The following PDE4D variants were observed in gnomAD, a reference collection of about 807,000 sequenced individuals.
The protein encoded by PDE4D is 3',5'-cyclic-AMP phosphodiesterase 4D.
In PDE4D, 24 loss-of-function variants were observed where a neutral mutation model predicts 87.4. The observed-to-expected ratio is 0.27, with a 90% CI of 0.20 to 0.39. The LOEUF (loss-of-function observed/expected upper bound fraction) is 0.39. Ranked by LOEUF, PDE4D falls within the 10% of genes least tolerant of loss-of-function variation. The pLI is 1.00. For missense variants in PDE4D, 714 were observed against 1,041.0 expected (o/e 0.69, Z 4.32); for synonymous variants, 384 against 383.2 (o/e 1.00, Z -0.02).
Position 60,274,410 on chromosome 5 carries a change from G to A in PDE4D, c.-89-88723C>T, listed in dbSNP as rs1751150537. Among the ~76,000 whole-genome samples, 4 of 152,078 alleles carry A rather than the reference G, an allele frequency of 2.6e-5. No homozygotes were observed. The South Asian group carries it at 8.3e-4, about 31-fold the overall frequency. ...GCTCTGCTACCCAGGCTGGAGTGCA[G>A]AGTGCAGTGGTGCAATCTCGACTCA... On this transcript the variant is annotated intron_variant, in intron 1 of 16. Coordinates refer to the PDE4D transcript ENST00000502484.
At chr5:59,066,090 T>TTGAA (rs1763881892) in intron 5 of PDE4D, among the ~76,000 whole-genome samples, 1 of 152,130 alleles carries the variant, frequency 6.6e-6, no homozygotes, top group African/African-American at 2.4e-5. Flanking sequence ...AGAAAACCTA[T>TTGAA]CAATTCATTG....
chr5:60,131,767 A>G (rs533981842), intron 2 of PDE4D, among the ~76,000 whole-genome samples: 25 of 152,358 alleles, frequency 1.6e-4, no homozygotes, highest in African/African-American at 6.0e-4. Context: ...ATTATGATTT[A>G]AAGTGGCTCA....
chr5:60,455,947 G>A (rs570673265), intron 1 of PDE4D, among the ~76,000 whole-genome samples: 8 of 152,024 alleles, frequency 5.3e-5, no homozygotes, highest in Non-Finnish European at 7.4e-5. Context: ...TTGGAGCCAG[G>A]GTTCTCCAGC....
rs71626134 is a variant in PDE4D at position 59,081,517 on chromosome 5, G to T, written c.809-42546C>A. ...AACCTCATGACCAGGAAGTAATCAG[G>T]TAAAAAAAAAAAAGAAAAAAAGTGG... On this transcript the variant is annotated intron_variant, in intron 5 of 14. Transcript: ENST00000340635. 4.0e-4 allele frequency among the ~76,000 whole-genome samples: 39 copies of T among 98,664 alleles called. 2 individuals are homozygous for T. The highest frequency in any genetic ancestry group is 1.8e-3 in the East Asian group (8 of 4,482). The allele number at this position is 98,664 out of a possible 152,430, so 64.7% of individuals were successfully genotyped here. A position where few individuals can be genotyped will look rare whatever the true frequency, so the allele number is the denominator to read the frequency against.
chr5:60,377,772 T>C (rs532353751), intron 1 of PDE4D, among the ~76,000 whole-genome samples: 1 of 152,188 alleles, frequency 6.6e-6, no homozygotes, highest in African/African-American at 2.4e-5. Flanking sequence ...TGACGTTTCA[T>C]CATGCTGAAA....
chr5:59,904,749 C>T (rs1194846964), intron 3 of PDE4D, among the ~76,000 whole-genome samples: 3 of 152,148 alleles, frequency 2.0e-5, no homozygotes, highest in South Asian at 4.1e-4. Flanking sequence ...CTGGGGAACA[C>T]TCATAAACTA....
At chr5:59,111,670 A>G (rs187809813) in intron 5 of PDE4D, among the ~76,000 whole-genome samples, 32 of 152,326 alleles carry the variant, frequency 2.1e-4, no homozygotes, top group African/African-American at 5.3e-4. Context: ...GGGGAATGAG[A>G]CAGAGACCAA....
chr5:60,238,318 T>C (rs1746663786), intron 1 of PDE4D, among the ~76,000 whole-genome samples: 1 of 151,976 alleles, frequency 6.6e-6, no homozygotes, highest in Non-Finnish European at 1.5e-5. Context: ...TTGATAGAAA[T>C]ACAGAATTTT....
chr5:59,102,725 A>C (rs1192951496), intron 5 of PDE4D, among the ~76,000 whole-genome samples: 1 of 152,210 alleles, frequency 6.6e-6, no homozygotes, highest in Non-Finnish European at 1.5e-5. Flanking sequence ...ACTTATAAGA[A>C]GGAAAATTCT....
rs11305744 is a variant in PDE4D at position 59,818,870 on chromosome 5, T to TAA, written c.455+74296_455+74297dup. On this transcript the variant is annotated intron_variant, in intron 1 of 14. Transcript: ENST00000340635. Reference sequence around the variant, plus strand: ...GGGAAGAGCAAAAAAAAAAAGTAGATAAAAAAAAAAACACAAGAAATAGAG... The same window carrying TAA: ...GGGAAGAGCAAAAAAAAAAAGTAGATAAAAAAAAAAAAACACAAGAAATAGAG... 1.1e-3 allele frequency among the ~76,000 whole-genome samples: 158 copies of TAA among 141,854 alleles called. 1 individual carries two copies. The highest frequency in any genetic ancestry group is 3.9e-3 in the African/African-American group (148 of 38,354). 93.1% of individuals were successfully genotyped at this position (141,854 alleles called of 152,430 possible). A position where few individuals can be genotyped will look rare whatever the true frequency, so the allele number is the denominator to read the frequency against.
At chr5:59,596,071 G>A in intron 1 of PDE4D, among the ~76,000 whole-genome samples, 1 of 151,444 alleles carries the variant, frequency 6.6e-6, no homozygotes, top group South Asian at 2.1e-4. Flanking sequence ...GGAAGAGGCT[G>A]CATCAGAGGC....
intron 1 of PDE4D, among the ~76,000 whole-genome samples, chr5:60,427,090 G>A (rs766066229): frequency 1.8e-4 from 28 of 152,118 alleles, no homozygotes; most frequent in Non-Finnish European, 3.4e-4. Context: ...TAGTCTTAAC[G>A]TAAATGTAAT....
intron 1 of PDE4D, among the ~76,000 whole-genome samples, chr5:60,257,855 T>G (rs1749255173): frequency 1.3e-5 from 2 of 151,952 alleles, no homozygotes; most frequent in South Asian, 4.1e-4. Flanking sequence ...TCATTATTCT[T>G]AAGGAGTCAC....
intron 1 of PDE4D, chr5:59,528,961 G>A: frequency 2.2e-6 from 1 of 444,880 alleles, no homozygotes; most frequent in East Asian, 7.1e-5. Flanking sequence ...GCAGATGCAA[G>A]CTGAACGGTT....
chr5:59,688,185 C>T (rs1403199547), intron 1 of PDE4D, among the ~76,000 whole-genome samples: 1 of 152,120 alleles, frequency 6.6e-6, no homozygotes, highest in African/African-American at 2.4e-5. Flanking sequence ...ACAAGGTTAT[C>T]CAGGAATTGA....
At chr5:59,090,759 T>C (rs991907025) in intron 5 of PDE4D, among the ~76,000 whole-genome samples, 5 of 151,750 alleles carry the variant, frequency 3.3e-5, no homozygotes, top group African/African-American at 1.2e-4. Context: ...GGGACCTTCG[T>C]TGAGTGCTCC....
chr5:60,046,238 G>T (rs547417362), intron 2 of PDE4D, among the ~76,000 whole-genome samples: 17 of 152,284 alleles, frequency 1.1e-4, no homozygotes, highest in African/African-American at 3.9e-4. Context: ...ATTTGCTGAA[G>T]TTGCTTATCA....
At chr5:60,263,621 G>A (rs1406972828) in intron 1 of PDE4D, among the ~76,000 whole-genome samples, 1 of 152,140 alleles carries the variant, frequency 6.6e-6, no homozygotes, top group Admixed American at 6.6e-5. Flanking sequence ...CAGAGCTCAG[G>A]AGGCCTTGTG....
At chr5:59,519,790 G>A (rs1220592874) in intron 1 of PDE4D, among the ~76,000 whole-genome samples, 1 of 152,192 alleles carries the variant, frequency 6.6e-6, no homozygotes, top group Non-Finnish European at 1.5e-5. Flanking sequence ...TCGGAAAACT[G>A]GTTAGGAGGG....
Sources: gnomAD v4.1 joint callset for allele counts (sites outside exome capture counted in the v4.1 genomes callset) on GRCh38, gnomAD v4.1.1 for gene constraint, MANE v1.5 for transcripts, NCBI Gene and HGNC (gene_info 2026-07-23, HGNC 2026-07-21) for gene names.